The following CACNA2D3 variants were observed in gnomAD, a reference collection of about 807,000 sequenced individuals.
The protein encoded by CACNA2D3 is voltage-dependent calcium channel subunit alpha-2/delta-3.
CACNA2D3 carries 60 observed loss-of-function variants against 160.6 expected under a neutral mutation model. That is an observed-to-expected ratio of 0.37 (90% confidence interval 0.30 to 0.46). The LOEUF is 0.46. Among genes scored for constraint, CACNA2D3 ranks in the 20% least tolerant of loss-of-function variants. The pLI, the probability that CACNA2D3 is intolerant of heterozygous loss-of-function variation, is 1.00. For synonymous variants in CACNA2D3, 558 were observed against 492.9 expected (o/e 1.13, Z -1.75); for missense variants, 1,205 against 1,365.0 (o/e 0.88, Z 1.85).
chr3:54,864,333 GCA>G (rs1417944119), intron 17 of CACNA2D3, among the ~76,000 whole-genome samples: 5 of 151,782 alleles, frequency 3.3e-5, no homozygotes, highest in African/African-American at 1.2e-4. Flanking sequence ...GAGTGCGGTG[GCA>G]CAATCTCAGC....
chr3:54,685,688 C>T (rs763968772), intron 11 of CACNA2D3, among the ~76,000 whole-genome samples: 17 of 152,228 alleles, frequency 1.1e-4, no homozygotes, highest in Non-Finnish European at 1.6e-4. Flanking sequence ...TGGCTGACAT[C>T]GTCCCTACCT....
chr3:54,663,162 T>C (rs1700001866), intron 11 of CACNA2D3, among the ~76,000 whole-genome samples: 1 of 152,250 alleles, frequency 6.6e-6, no homozygotes, highest in Non-Finnish European at 1.5e-5. Context: ...CAGAGCTTTC[T>C]GGAAGGAACC....
intron 30 of CACNA2D3, among the ~76,000 whole-genome samples, chr3:54,985,916 T>G (rs1702603742): frequency 6.6e-6 from 1 of 152,162 alleles, no homozygotes; most frequent in Admixed American, 6.5e-5. Context: ...CTCTGATGCT[T>G]TACATCACTA....
chr3:54,563,658 G>A (rs1702363045), intron 6 of CACNA2D3, among the ~76,000 whole-genome samples: 1 of 152,194 alleles, frequency 6.6e-6, no homozygotes, highest in Non-Finnish European at 1.5e-5. Flanking sequence ...ACTCGGGGCT[G>A]CAACTGTGCC....
intron 2 of CACNA2D3, among the ~76,000 whole-genome samples, chr3:54,172,692 T>C (rs1700600518): frequency 6.6e-6 from 1 of 152,238 alleles, no homozygotes; most frequent in South Asian, 2.1e-4. Context: ...TTCATATGAT[T>C]CAACCTACTA....
At chr3:54,548,854 C>T (rs899799594) in intron 5 of CACNA2D3, among the ~76,000 whole-genome samples, 2 of 152,192 alleles carry the variant, frequency 1.3e-5, no homozygotes, top group Non-Finnish European at 2.9e-5. Flanking sequence ...TGCAGTGGTC[C>T]ATCTTCTCTT....
intron 9 of CACNA2D3, among the ~76,000 whole-genome samples, chr3:54,612,410 G>A (rs929516642): frequency 5.3e-5 from 8 of 152,092 alleles, no homozygotes; most frequent in Admixed American, 3.3e-4. Flanking sequence ...CCCAAGGACC[G>A]TGAGCAACAG....
intron 21 of CACNA2D3, among the ~76,000 whole-genome samples, chr3:54,882,649 C>T (rs951456482): frequency 6.6e-6 from 1 of 152,198 alleles, no homozygotes; most frequent in African/African-American, 2.4e-5. Flanking sequence ...AATAAAAAGA[C>T]TGACAATCCT....
At chr3:54,697,909 T>C (rs1700693102) in intron 11 of CACNA2D3, among the ~76,000 whole-genome samples, 1 of 152,204 alleles carries the variant, frequency 6.6e-6, no homozygotes, top group Non-Finnish European at 1.5e-5. Flanking sequence ...TCATTTCACT[T>C]GTGGGCATGG....
At chr3:54,251,998 C>T (rs1702197226) in intron 2 of CACNA2D3, among the ~76,000 whole-genome samples, 1 of 151,194 alleles carries the variant, frequency 6.6e-6, no homozygotes, top group African/African-American at 2.4e-5. Flanking sequence ...TTTATTCATG[C>T]AGTAATCTTT....
At chr3:54,778,117 C>A (rs1222173666) in intron 13 of CACNA2D3, among the ~76,000 whole-genome samples, 6 of 152,096 alleles carry the variant, frequency 3.9e-5, no homozygotes, top group Non-Finnish European at 8.8e-5. Context: ...GGGAAGCAGG[C>A]ACGTCCTACG....
chr3:54,554,777 G>C (rs190402572), intron 5 of CACNA2D3, among the ~76,000 whole-genome samples: 1 of 151,894 alleles, frequency 6.6e-6, no homozygotes, highest in Non-Finnish European at 1.5e-5. Context: ...TGCTGTTCAG[G>C]TGCTACCCAG....
intron 29 of CACNA2D3, among the ~76,000 whole-genome samples, chr3:54,973,256 C>T (rs1702314932): frequency 6.6e-6 from 1 of 152,144 alleles, no homozygotes; most frequent in South Asian, 2.1e-4. Flanking sequence ...AGGAGGGCCA[C>T]GTTCACCTCT....
chr3:54,483,606 T>C (rs959002509), intron 4 of CACNA2D3, among the ~76,000 whole-genome samples: 3 of 152,234 alleles, frequency 2.0e-5, no homozygotes, highest in Non-Finnish European at 4.4e-5. Flanking sequence ...TTTTATCCTA[T>C]TTATTTATTG....
intron 2 of CACNA2D3, among the ~76,000 whole-genome samples, chr3:54,263,817 C>T (rs937862803): frequency 6.6e-6 from 1 of 152,182 alleles, no homozygotes; most frequent in African/African-American, 2.4e-5. Context: ...ATACCATCTA[C>T]ATAAGGTACG....
chr3:55,022,556 T>A (rs1703480390), intron 35 of CACNA2D3, among the ~76,000 whole-genome samples: 1 of 116,012 alleles, frequency 8.6e-6, no homozygotes, highest in Admixed American at 8.2e-5. Context: ...CTTTCCTTCC[T>A]TCTTTCTTTC....
intron 5 of CACNA2D3, among the ~76,000 whole-genome samples, chr3:54,532,052 C>G (rs1315743509): frequency 6.6e-6 from 1 of 152,190 alleles, no homozygotes; most frequent in Non-Finnish European, 1.5e-5. Context: ...GTGAGGGTGG[C>G]TTTCTGCCTG....
At chr3:55,009,167 C>CTT (rs1258874949) in intron 33 of CACNA2D3, among the ~76,000 whole-genome samples, 2 of 152,162 alleles carry the variant, frequency 1.3e-5, no homozygotes, top group African/African-American at 4.8e-5. Flanking sequence ...ATCTAGGAAT[C>CTT]TTTGAGTCTA....
chr3:54,540,253 C>G (rs1353835514), intron 5 of CACNA2D3, among the ~76,000 whole-genome samples: 1 of 152,160 alleles, frequency 6.6e-6, no homozygotes, highest in Admixed American at 6.5e-5. Context: ...AACCCAGATG[C>G]CTCCCTGGAT....
Sources: allele counts gnomAD v4.1 joint callset (sites outside exome capture counted in the v4.1 genomes callset), GRCh38; gene constraint gnomAD v4.1.1; transcripts MANE v1.5; gene names NCBI Gene and HGNC (gene_info 2026-07-23, HGNC 2026-07-21).